Variants in DYNC2LI1 observed in about 807,000 individuals in gnomAD.
DYNC2LI1 encodes the protein dynein cytoplasmic 2 light intermediate chain 1.
DYNC2LI1 carries 45 observed loss-of-function variants against 51.9 expected under a neutral mutation model. The ratio of observed to expected loss-of-function variants is 0.87; its 90% CI spans 0.68 to 1.11. DYNC2LI1 has a LOEUF of 1.11. Among genes scored for constraint, DYNC2LI1 ranks in the 50% most tolerant of loss-of-function variants. The pLI is 0.00. For missense variants in DYNC2LI1, 490 were observed against 417.4 expected (o/e 1.17, Z -1.51); for synonymous variants, 130 against 137.8 (o/e 0.94, Z 0.40).
At chr2:43,809,652 C>A in intron 12 of DYNC2LI1, 53 bp from the exon 13 acceptor site, 1 of 1,346,232 alleles carries the variant, frequency 7.4e-7, no homozygotes, top group Non-Finnish European at 1.1e-6. Flanking sequence ...TAAGGTGCCT[C>A]CTTGAATTAG....
chr2:43,778,489 G>A (rs890845413), intron 2 of DYNC2LI1, among the ~76,000 whole-genome samples: 1 of 152,100 alleles, frequency 6.6e-6, no homozygotes. Context: ...TATGATGCAC[G>A]TGATTTTCAT....
downstream of DYNC2LI1, chr2:43,812,912 C>T: frequency 1.7e-6 from 1 of 577,246 alleles, no homozygotes. Context: ...CATGTCCCTG[C>T]AAGTTGTAAG....
rs114696444 is a variant in DYNC2LI1, at chr2:43,787,907, C to T, written c.231+657C>T. 6.0e-3 allele frequency among the ~76,000 whole-genome samples: 914 copies of T among 152,214 alleles called. 4 individuals are homozygous for T. The highest frequency in any genetic ancestry group is 0.02 in the African/African-American group (847 of 41,532). ...CTGCTAACACAGGCACATTTTTATA[C>T]ACTGACTTAGTCCAAATATTTCCTC... is the stretch of plus-strand genomic sequence containing the variant. On this transcript the variant is annotated intron_variant, in intron 4 of 12. Transcript: ENST00000260605.
At position 43,809,997 on chromosome 2, in the gene DYNC2LI1, C is replaced by A. The variant is rs867679265; in HGVS notation, c.*230C>A. The A allele has an allele frequency of 9.5e-6, 11 of 1,157,794 alleles. No individual in the cohort carries two copies. The highest frequency in any genetic ancestry group is 6.6e-4 in the Middle Eastern group (2 of 3,030). The allele number at this position is 1,157,794 out of a possible 1,614,324, so 71.7% of individuals were successfully genotyped here. On this transcript the variant is annotated 3_prime_UTR_variant, in exon 13 of 13. Coordinates refer to ENST00000260605, the MANE Select transcript of DYNC2LI1 (RefSeq NM_016008.4). ...TTTTTTAAAATAAAAGAATCTTCTA[C>A]TACCTACCTCTAACATGTTTAAGTG... is the stretch of plus-strand genomic sequence containing the variant.
At chr2:43,787,909 C>T (rs1673599219) in intron 4 of DYNC2LI1, among the ~76,000 whole-genome samples, 1 of 152,108 alleles carries the variant, frequency 6.6e-6, no homozygotes, top group African/African-American at 2.4e-5. Context: ...TTTTTATACA[C>T]TGACTTAGTC....
Position 43,809,866 on chromosome 2 carries a change from C to G in DYNC2LI1, c.*99C>G. On this transcript the variant is annotated 3_prime_UTR_variant, in exon 13 of 13. Transcript: ENST00000260605. ...GTGGCAATATGTGAAGAAAGTTAAA[C>G]TGTATAATTTGTTAAAGGACAAGCT... 6.8e-7 allele frequency: 1 copy of G among 1,470,404 alleles called. No individual in the cohort carries two copies. Among genetic ancestry groups the G allele is most frequent in the Non-Finnish European group, 9.0e-7 (1 of 1,113,528 alleles). 91.1% of individuals were successfully genotyped at this position (1,470,404 alleles called of 1,614,324 possible). A position where few individuals can be genotyped will look rare whatever the true frequency, so the allele number is the denominator to read the frequency against.
chr2:43,795,697 A>G (rs1674005112), intron 6 of DYNC2LI1, among the ~76,000 whole-genome samples, 193 bp from the exon 7 acceptor site: 1 of 152,342 alleles, frequency 6.6e-6, no homozygotes, highest in Admixed American at 6.5e-5. Context: ...GGGAATTGCC[A>G]TTTCTAGTTT....
rs768949011 is a variant in DYNC2LI1, at chr2:43,794,499, T to G, written c.363T>G (p.Asn121Lys). ...TCGTTCTGGATCTTTCAAAACCTAATGATCTCTGGCCCACCATGGAAAATC... is the reference window on the plus strand; with the variant it reads ...TCGTTCTGGATCTTTCAAAACCTAAGGATCTCTGGCCCACCATGGAAAATC... ...LVLVLDLSKP[N>K]DLWPTMENLL... The change falls in exon 6 of 13, where the codon AAT (asparagine) becomes AAG (lysine). Residue 121 changes from asparagine to lysine, a missense_variant. Asn to Lys is a moderately conservative substitution (Grantham distance 94). Coordinates refer to ENST00000260605, the MANE Select transcript of DYNC2LI1 (RefSeq NM_016008.4). 1.9e-6 allele frequency: 3 copies of G among 1,613,872 alleles called. No individual in the cohort carries two copies. Among genetic ancestry groups the G allele is most frequent in the Non-Finnish European group, 2.5e-6 (3 of 1,179,962 alleles).
intron 5 of DYNC2LI1, among the ~76,000 whole-genome samples, chr2:43,792,234 T>C (rs1031683171): frequency 5.9e-5 from 9 of 152,150 alleles, no homozygotes; most frequent in Non-Finnish European, 1.0e-4. Flanking sequence ...GAAAATTTGA[T>C]AATTAATGTG....
intron 3 of DYNC2LI1, among the ~76,000 whole-genome samples, chr2:43,785,550 A>G (rs974709375): frequency 2.0e-5 from 3 of 151,970 alleles, no homozygotes; most frequent in African/African-American, 7.3e-5. Flanking sequence ...CCTGGCCAAC[A>G]TAGTGAAACC....
chr2:43,827,843 C>A, the DYNC2LI1 span: 4 of 1,355,192 alleles, frequency 3.0e-6, no homozygotes, highest in Middle Eastern at 2.4e-4. Context: ...AAAACTGGGT[C>A]CTCAGTTTGA....
At chr2:43,776,294 T>C (rs1405475587) in intron 1 of DYNC2LI1, among the ~76,000 whole-genome samples, 1 of 152,146 alleles carries the variant, frequency 6.6e-6, no homozygotes, top group Non-Finnish European at 1.5e-5. Context: ...TCCCATATAC[T>C]TTTATATTAA....
chr2:43,818,574 A>G, the DYNC2LI1 span, among the ~76,000 whole-genome samples: 1 of 152,346 alleles, frequency 6.6e-6, no homozygotes, highest in East Asian at 1.9e-4. Context: ...CAAATAATAT[A>G]AAAGAGGAAA....
At chr2:43,804,044 G>A (rs115002510) in intron 10 of DYNC2LI1, among the ~76,000 whole-genome samples, 3,288 of 152,170 alleles carry the variant, frequency 0.022, 81 homozygotes, top group African/African-American at 0.062. Context: ...ATGTAATTAT[G>A]TGTTCAGTCT....
the DYNC2LI1 span, among the ~76,000 whole-genome samples, chr2:43,821,129 C>G: frequency 6.6e-6 from 1 of 152,138 alleles, no homozygotes; most frequent in Non-Finnish European, 1.5e-5. Context: ...TTATACTCGC[C>G]CCTCCTTACC....
intron 8 of DYNC2LI1, among the ~76,000 whole-genome samples, chr2:43,798,447 G>A (rs1665965293): frequency 6.9e-6 from 1 of 144,768 alleles, no homozygotes; most frequent in Non-Finnish European, 1.5e-5. Flanking sequence ...GGCTCATCGA[G>A]GGTACAGAGG....
At chr2:43,797,253 A>G (rs997661535) in intron 8 of DYNC2LI1, among the ~76,000 whole-genome samples, 1 of 152,202 alleles carries the variant, frequency 6.6e-6, no homozygotes, top group Non-Finnish European at 1.5e-5. Context: ...CAGAGTGACC[A>G]TTTATTAGAC....
chr2:43,821,877 C>G, the DYNC2LI1 span, among the ~76,000 whole-genome samples: 4 of 151,784 alleles, frequency 2.6e-5, no homozygotes, highest in Admixed American at 6.6e-5. Flanking sequence ...TCTCTCTCTC[C>G]CCCTCTCTTC....
At chr2:43,826,347 C>T in the DYNC2LI1 span, 1 of 1,613,126 alleles carries the variant, frequency 6.2e-7, no homozygotes, top group African/African-American at 1.3e-5. Flanking sequence ...GCTCAACACA[C>T]CATAGACCCG....
Sources: gnomAD v4.1 joint callset for allele counts (sites outside exome capture counted in the v4.1 genomes callset) on GRCh38, gnomAD v4.1.1 for gene constraint, MANE v1.5 for transcripts, NCBI Gene and HGNC (gene_info 2026-07-23, HGNC 2026-07-21) for gene names.